The following RAB28 variants were observed in gnomAD, a reference collection of about 807,000 sequenced individuals.
RAB28 encodes the protein ras-related protein Rab-28.
In RAB28, 24 loss-of-function variants were observed where a neutral mutation model predicts 31.7. The observed-to-expected ratio is 0.76, with a 90% CI of 0.55 to 1.06. The LOEUF is 1.06. Ranked by LOEUF, RAB28 falls within the 50% of genes least tolerant of loss-of-function variation. The pLI, the probability that RAB28 is intolerant of heterozygous loss-of-function variation, is 0.00. For missense variants in RAB28, 254 were observed against 258.5 expected (o/e 0.98, Z 0.12); for synonymous variants, 100 against 90.4 (o/e 1.11, Z -0.60).
At chr4:13,377,021 C>T (rs2108878613) in intron 5 of RAB28, among the ~76,000 whole-genome samples, 1 of 152,178 alleles carries the variant, frequency 6.6e-6, no homozygotes, top group African/African-American at 2.4e-5. Flanking sequence ...TTATCTTGGT[C>T]CTTTTAGCCA....
intron 4 of RAB28, among the ~76,000 whole-genome samples, chr4:13,423,251 A>G (rs1214394191): frequency 1.3e-5 from 2 of 152,160 alleles, no homozygotes; most frequent in Admixed American, 6.5e-5. Context: ...AAAAAAGGTG[A>G]GAGGCCAGGC....
chr4:13,477,826 A>G (rs1044604131), intron 2 of RAB28, among the ~76,000 whole-genome samples: 5 of 151,564 alleles, frequency 3.3e-5, no homozygotes, highest in African/African-American at 1.2e-4. Context: ...TTTTTTACAA[A>G]GTAATCAAAA....
At position 13,474,381 on chromosome 4, in the gene RAB28, A is replaced by G. The variant is rs751274571; in HGVS notation, c.198T>C (p.Ile66=). The G allele has an allele frequency of 2.5e-6, 4 of 1,592,262 alleles. No individual in the cohort carries two copies. Among genetic ancestry groups the G allele is most frequent in the Non-Finnish European group, 3.4e-6 (4 of 1,165,894 alleles). ...CTATTGTCTGCCCTCCTATATCCCA[A>G]ATTTGAAGGGTAACATTCAAGTTTC... The part of the protein sequence containing the change: ...LPGNLNVTLQ[I]WDIGGQTIGG... Residue 66 remains isoleucine (I), a synonymous_variant, in exon 3 of 7, where the codon ATT becomes ATC. Coordinates refer to ENST00000330852, the MANE Select transcript of RAB28 (RefSeq NM_001017979.3).
Position 13,399,487 on chromosome 4 carries a change from A to G in RAB28, c.392-17893T>C, listed in dbSNP as rs76738361. Among the ~76,000 whole-genome samples the G allele has an allele frequency of 9.9e-3, 1,508 of 152,310 alleles. 28 individuals carry two copies. The highest frequency in any genetic ancestry group is 0.034 in the African/African-American group (1,426 of 41,558). ...GAGAACTGCTGAATCATACTCTATG[A>G]ATGTTCAACTTTGCAGAATGTCAAA... is the stretch of plus-strand genomic sequence containing the variant. On this transcript the variant is annotated intron_variant, in intron 4 of 6. Transcript: ENST00000330852.
At chr4:13,441,326 C>T (rs1714403723) in intron 4 of RAB28, among the ~76,000 whole-genome samples, 1 of 152,082 alleles carries the variant, frequency 6.6e-6, no homozygotes, top group African/African-American at 2.4e-5. Context: ...AAGAATCACT[C>T]GATTTAGCCT....
rs559596600 is a variant in RAB28 at position 13,452,194 on chromosome 4, T to C, written c.391+8505A>G. 5.3e-5 allele frequency among the ~76,000 whole-genome samples: 8 copies of C among 152,080 alleles called. No individual in the cohort carries two copies. In the East Asian group the frequency reaches 1.3e-3, roughly 26 times the overall value. ...TTCCCTTTTATCTTAGTGTATCTAA[T>C]GGTTTGTTGATTATATCTTTAAAAA... On this transcript the variant is annotated intron_variant, in intron 4 of 6. Transcript: ENST00000330852.
At chr4:13,411,851 C>A (rs1712457871) in intron 4 of RAB28, among the ~76,000 whole-genome samples, 1 of 151,496 alleles carries the variant, frequency 6.6e-6, no homozygotes, top group Non-Finnish European at 1.5e-5. Context: ...AAAATAAGAT[C>A]AAATATACCA....
intron 6 of RAB28, among the ~76,000 whole-genome samples, chr4:13,374,383 C>T (rs1340808766): frequency 6.6e-6 from 1 of 152,096 alleles, no homozygotes; most frequent in Non-Finnish European, 1.5e-5. Context: ...CCCTGTTGAT[C>T]TTGCAACATG....
chr4:13,398,102 T>C (rs73819820), intron 4 of RAB28, among the ~76,000 whole-genome samples: 1,813 of 152,294 alleles, frequency 0.012, 40 homozygotes, highest in African/African-American at 0.041. Flanking sequence ...ATTTCTCCTC[T>C]TGCCTCAGGT....
intron 6 of RAB28, chr4:13,369,992 G>C: frequency 1.3e-6 from 2 of 1,553,576 alleles, no homozygotes; most frequent in Non-Finnish European, 8.6e-7. Context: ...ACATAAATGA[G>C]ACAAAGAAAA....
intron 1 of RAB28, 81 bp downstream of exon 1, chr4:13,483,993 GGC>G (rs1716743732): frequency 7.5e-7 from 1 of 1,335,128 alleles, no homozygotes; most frequent in Non-Finnish European, 1.0e-6. Flanking sequence ...GGGGTAACGA[GGC>G]GACGCCGGGC....
intron 4 of RAB28, among the ~76,000 whole-genome samples, chr4:13,405,040 T>G (rs181000241): frequency 1.3e-5 from 2 of 152,172 alleles, no homozygotes; most frequent in African/African-American, 2.4e-5. Context: ...TTTTAAAAGA[T>G]CCAACATATT....
At chr4:13,461,706 C>T (rs542662434) in intron 3 of RAB28, among the ~76,000 whole-genome samples, 3 of 152,250 alleles carry the variant, frequency 2.0e-5, no homozygotes, top group East Asian at 3.9e-4. Flanking sequence ...TATATGCACA[C>T]AGAAATAACT....
intron 2 of RAB28, among the ~76,000 whole-genome samples, chr4:13,474,875 G>A (rs1716279167): frequency 6.6e-6 from 1 of 151,440 alleles, no homozygotes; most frequent in African/African-American, 2.4e-5. Flanking sequence ...CTACAAAAAT[G>A]CACCCATAAT....
At position 13,368,449 on chromosome 4, in the gene RAB28, G is replaced by A. The variant is rs545647492; in HGVS notation, c.*109C>T. Reference sequence around the variant, plus strand: ...TGATGAAGCAAGTTGGGAGTAAAGTGTTAACTGAACTACAGAGATGGTCAC... The same window carrying A: ...TGATGAAGCAAGTTGGGAGTAAAGTATTAACTGAACTACAGAGATGGTCAC... On this transcript the variant is annotated 3_prime_UTR_variant, in exon 7 of 7. Coordinates refer to ENST00000330852, the MANE Select transcript of RAB28 (RefSeq NM_001017979.3). 98 of 1,358,190 alleles carry A rather than the reference G, an allele frequency of 7.2e-5. 1 individual carries two copies. In the Admixed American group the frequency reaches 1.4e-3, roughly 19 times the overall value. 84.1% of individuals were successfully genotyped at this position (1,358,190 alleles called of 1,614,324 possible). A position where few individuals can be genotyped will look rare whatever the true frequency, so the allele number is the denominator to read the frequency against.
intron 1 of RAB28, among the ~76,000 whole-genome samples, chr4:13,481,065 C>G (rs1375268139): frequency 6.6e-6 from 1 of 151,940 alleles, no homozygotes; most frequent in Non-Finnish European, 1.5e-5. Flanking sequence ...GTGTAACATT[C>G]ACGTAATGTC....
intron 4 of RAB28, among the ~76,000 whole-genome samples, chr4:13,393,479 A>G (rs1207378829): frequency 6.6e-6 from 1 of 152,336 alleles, no homozygotes; most frequent in East Asian, 1.9e-4. Flanking sequence ...AAATATATAT[A>G]TAAGCACAAA....
intron 6 of RAB28, among the ~76,000 whole-genome samples, chr4:13,373,335 C>T (rs1390695517): frequency 1.3e-5 from 2 of 152,142 alleles, no homozygotes; most frequent in Admixed American, 6.6e-5. Context: ...TCAATTCTTA[C>T]ACTACCTTAG....
chr4:13,426,439 C>T lies in RAB28; in HGVS notation c.391+34260G>A, dbSNP rs150852082. On this transcript the variant is annotated intron_variant, in intron 4 of 6. Coordinates refer to ENST00000330852, the MANE Select transcript of RAB28 (RefSeq NM_001017979.3). ...TAGATGCTTTCAAAAGACCTCAAAG[C>T]ATGCTATATCCATGTCTACAGCTTT... Among the ~76,000 whole-genome samples, 698 of 152,252 alleles carry T rather than the reference C, an allele frequency of 4.6e-3. 6 individuals are homozygous for T. The highest frequency in any genetic ancestry group is 0.016 in the African/African-American group (664 of 41,544).
Sources: gnomAD v4.1 joint callset for allele counts (sites outside exome capture counted in the v4.1 genomes callset) on GRCh38, gnomAD v4.1.1 for gene constraint, MANE v1.5 for transcripts, NCBI Gene and HGNC (gene_info 2026-07-23, HGNC 2026-07-21) for gene names.